Variants in CLECL1 observed in about 807,000 individuals in gnomAD.
The protein encoded by CLECL1 is C-type lectin-like domain family 1.
chr12:9,715,437 C>T (rs1866228016), downstream of CLECL1, among the ~76,000 whole-genome samples: 3 of 152,154 alleles, frequency 2.0e-5, no homozygotes. Context: ...TAGCACACAT[C>T]GGGCTGGTCA....
downstream of CLECL1, among the ~76,000 whole-genome samples, chr12:9,717,813 A>G (rs1310380752): frequency 3.9e-5 from 6 of 152,098 alleles, no homozygotes; most frequent in African/African-American, 1.4e-4. Flanking sequence ...CTGAAATTGA[A>G]TAGTGTAAGT....
At chr12:9,719,592 ATAAAT>A (rs1253560793), downstream of CLECL1, among the ~76,000 whole-genome samples, 21 of 152,208 alleles carry the variant, frequency 1.4e-4, no homozygotes, top group African/African-American at 5.1e-4. Context: ...CCATCTCTAA[ATAAAT>A]AAATAAGCAG....
chr12:9,721,444 C>T (rs895582221), downstream of CLECL1, among the ~76,000 whole-genome samples: 2 of 152,170 alleles, frequency 1.3e-5, no homozygotes, highest in African/African-American at 2.4e-5. Context: ...GTGTCTGACT[C>T]ATATATTTAC....
downstream of CLECL1, among the ~76,000 whole-genome samples, chr12:9,711,583 G>C (rs972246910): frequency 2.0e-5 from 3 of 151,090 alleles, no homozygotes; most frequent in African/African-American, 7.3e-5. Flanking sequence ...ATACTTGATT[G>C]CTTCCTCCCT....
downstream of CLECL1, chr12:9,718,915 G>A: frequency 1.7e-6 from 1 of 582,372 alleles, no homozygotes; most frequent in Non-Finnish European, 3.0e-6. Context: ...AACAGCCCTA[G>A]CATATTAATA....
chr12:9,733,397 T>C (rs1866478928), upstream of CLECL1: 1 of 592,062 alleles, frequency 1.7e-6, no homozygotes, highest in East Asian at 2.8e-5. Flanking sequence ...GCATATATTC[T>C]CTGGCGGAAA....
chr12:9,711,191 G>T (rs1246827223), downstream of CLECL1, among the ~76,000 whole-genome samples: 3 of 152,096 alleles, frequency 2.0e-5, no homozygotes, highest in East Asian at 5.8e-4. Context: ...GAGCAGGGAG[G>T]CACTGAAGAA....
intron 2 of CLECL1, among the ~76,000 whole-genome samples, chr12:9,717,328 C>A (rs1274746265): frequency 1.3e-5 from 2 of 152,110 alleles, no homozygotes; most frequent in Non-Finnish European, 2.9e-5. Context: ...CCGTAGTAGT[C>A]CAGGCAATTA....
chr12:9,706,166 C>G, the CLECL1 span, among the ~76,000 whole-genome samples: 1 of 151,990 alleles, frequency 6.6e-6, no homozygotes, highest in Non-Finnish European at 1.5e-5. Flanking sequence ...TTGCCTGTTG[C>G]TGGTGTGTAG....
chr12:9,717,270 C>T (rs1019614517), intron 2 of CLECL1, among the ~76,000 whole-genome samples: 4 of 152,078 alleles, frequency 2.6e-5, no homozygotes, highest in Admixed American at 6.6e-5. Flanking sequence ...CTTAGCTGGG[C>T]GTTGTGGCAC....
chr12:9,713,229 A>G (rs1179275053), downstream of CLECL1, among the ~76,000 whole-genome samples: 2 of 152,210 alleles, frequency 1.3e-5, no homozygotes, highest in East Asian at 1.9e-4. Context: ...TATGAATAAC[A>G]TCGGTTTCTA....
At chr12:9,706,023 A>G in the CLECL1 span, among the ~76,000 whole-genome samples, 1 of 152,082 alleles carries the variant, frequency 6.6e-6, no homozygotes, top group East Asian at 1.9e-4. Context: ...ATGTTTTTCC[A>G]TTTGTTTGTG....
the CLECL1 span, among the ~76,000 whole-genome samples, chr12:9,702,442 T>G: frequency 1.3e-5 from 2 of 152,180 alleles, no homozygotes; most frequent in Admixed American, 1.3e-4. Flanking sequence ...TGATGGGGCC[T>G]GTGGTTTTTA....
chr12:9,713,231 C>T (rs140917371), downstream of CLECL1, among the ~76,000 whole-genome samples: 5,782 of 152,246 alleles, frequency 0.038, 362 homozygotes, highest in African/African-American at 0.13. Context: ...TGAATAACAT[C>T]GGTTTCTAAG....
chr12:9,726,291 T>G (rs1425023300), intron 3 of CLECL1, among the ~76,000 whole-genome samples: 2 of 151,590 alleles, frequency 1.3e-5, no homozygotes, highest in African/African-American at 4.8e-5. Context: ...ACAAAAAACA[T>G]CAAAAGCCAA....
chr12:9,726,151 A>G (rs7962964), intron 3 of CLECL1, among the ~76,000 whole-genome samples: 45 of 151,946 alleles, frequency 3.0e-4, no homozygotes, highest in African/African-American at 9.7e-4. Context: ...CAACATATCA[A>G]TAGGAAATAC....
At chr12:9,718,627 TG>T, downstream of CLECL1, 1 of 646,084 alleles carries the variant, frequency 1.5e-6, no homozygotes, top group Non-Finnish European at 2.8e-6. Flanking sequence ...CCTTTAAAGA[TG>T]TAATTAACTT....
At chr12:9,708,189 A>T in the CLECL1 span, among the ~76,000 whole-genome samples, 5 of 152,210 alleles carry the variant, frequency 3.3e-5, no homozygotes, top group Non-Finnish European at 5.9e-5. Flanking sequence ...TCTGGTCTGA[A>T]CTGGGGGAAG....
downstream of CLECL1, among the ~76,000 whole-genome samples, chr12:9,713,574 A>G (rs1256807058): frequency 6.6e-6 from 1 of 152,218 alleles, no homozygotes; most frequent in African/African-American, 2.4e-5. Context: ...ATAAAACAAT[A>G]TGAGAGGGTC....
Sources: gnomAD v4.1 joint callset for allele counts (sites outside exome capture counted in the v4.1 genomes callset) on GRCh38, gnomAD v4.1.1 for gene constraint, MANE v1.5 for transcripts, NCBI Gene and HGNC (gene_info 2026-07-23, HGNC 2026-07-21) for gene names.